CDK9: variants seen among roughly 807,000 people sequenced by gnomAD.
The protein encoded by CDK9 is cyclin dependent kinase 9.
A neutral mutation model predicts 39.0 loss-of-function variants in CDK9; 34 were observed. That is an observed-to-expected ratio of 0.87 (90% confidence interval 0.66 to 1.16). CDK9 has a LOEUF of 1.16. Ranked by LOEUF, CDK9 falls within the 50% of genes most tolerant of loss-of-function variation. CDK9 has a pLI of 0.00. For missense variants in CDK9, 369 were observed against 503.2 expected, an observed-to-expected ratio of 0.73 and a Z score of 2.55; for synonymous variants, 233 against 196.2, an observed-to-expected ratio of 1.19 and a Z score of -1.57.
intron 5 of CDK9, 40 bp downstream of exon 5, chr9:127,788,425 G>A (rs1554803504): frequency 6.3e-7 from 1 of 1,586,522 alleles, no homozygotes; most frequent in Admixed American, 1.8e-5. Context: ...TGAGGGCCAG[G>A]CATCTACCTG....
At position 127,786,681 on chromosome 9, in the gene CDK9, G is replaced by T. The variant is rs1416884778; in HGVS notation, c.93-20G>T. The T allele has an allele frequency of 1.2e-6, 2 of 1,610,586 alleles. No homozygotes were observed. The highest frequency in any genetic ancestry group is 4.5e-5 in the East Asian group (2 of 44,832). On this transcript the variant is annotated intron_variant, in intron 1 of 6. Transcript: ENST00000373264. The stretch of plus-strand genomic sequence containing the variant: ...CGGAAATGGCCTGATGAGTTCTCGG[G>T]TCTCCCTTTCCGCCTGCAGGGAGGT...
Position 127,786,117 on chromosome 9 carries a change from C to T in CDK9, c.-32C>T, listed in dbSNP as rs1028459182. ...GGAGCAGGAGCGGCGGCAGCAGCGA[C>T]TGGGGGCGGCGGCGGCGCGTTGGAG... On this transcript the variant is annotated 5_prime_UTR_variant, in exon 1 of 7. Transcript: ENST00000373264. 24 of 1,545,732 alleles carry T rather than the reference C, an allele frequency of 1.6e-5. No homozygotes were observed. The highest frequency in any genetic ancestry group is 1.8e-5 in the Admixed American group (1 of 57,094).
At chr9:127,786,641 G>A in intron 1 of CDK9, 60 bp from the exon 2 acceptor site, 1 of 1,439,336 alleles carries the variant, frequency 6.9e-7, no homozygotes, top group Non-Finnish European at 9.7e-7. Context: ...TGTAGTGGGG[G>A]AGGGGCGGGC....
chr9:127,788,865 G>A (rs989081697), intron 6 of CDK9, among the ~76,000 whole-genome samples, 173 bp downstream of exon 6: 1 of 152,196 alleles, frequency 6.6e-6, no homozygotes, highest in South Asian at 2.1e-4. Context: ...CAGGCTGTGC[G>A]CCAGTCTCGG....
In CDK9 at chr9:127,788,663, A is replaced by C; in HGVS notation, c.724A>C (p.Ser242Arg). Residue 242 changes from serine to arginine, a missense_variant, in exon 6 of 7, where the codon AGT becomes CGT. Physicochemically the swap from Ser to Arg is moderately radical, Grantham distance 110 (BLOSUM62 -1). Transcript: ENST00000373264. ...GGAGCAGCACCAACTCGCCCTCATC[A>C]GTCAGCTCTGCGGCTCCATCACCCC... ...NTEQHQLALISQLCGSITPEV... is the reference protein window; with the variant it reads ...NTEQHQLALIRQLCGSITPEV... 6.2e-7 allele frequency: 1 copy of C among 1,610,796 alleles called. No homozygotes were observed. Among genetic ancestry groups the C allele is most frequent in the Non-Finnish European group, 8.5e-7 (1 of 1,178,534 alleles).
chr9:127,786,434 G>A (rs928441761), intron 1 of CDK9, among the ~76,000 whole-genome samples, 194 bp downstream of exon 1: 5 of 152,188 alleles, frequency 3.3e-5, no homozygotes, highest in African/African-American at 1.2e-4. Flanking sequence ...GCCCGTGGTG[G>A]GGGCGGGGAG....
chr9:127,788,446 C>T (rs1273157543), intron 5 of CDK9, 61 bp downstream of exon 5: 15 of 1,558,510 alleles, frequency 9.6e-6, no homozygotes, highest in Non-Finnish European at 1.1e-5. Context: ...GCCCCTTCCC[C>T]CCAACTGCCA....
Position 127,789,730 on chromosome 9 carries a change from G to C in CDK9, c.*187G>C. ...TGGCTGAGAGACCAGGAGGGCACTGGAGCTGTCTTGTCCTTGCTGGTTTTC... is the reference window on the plus strand; with the variant it reads ...TGGCTGAGAGACCAGGAGGGCACTGCAGCTGTCTTGTCCTTGCTGGTTTTC... On this transcript the variant is annotated 3_prime_UTR_variant, in exon 7 of 7. Coordinates refer to ENST00000373264, the MANE Select transcript of CDK9 (RefSeq NM_001261.4). The surrounding 1 kb of genome is among the most constrained non-coding windows in gnomAD (Gnocchi z 5.2). 2.7e-6 allele frequency: 2 copies of C among 746,482 alleles called. No homozygotes were observed. Among genetic ancestry groups the C allele is most frequent in the South Asian group, 3.8e-5 (2 of 52,874 alleles). The allele number at this position is 746,482 out of a possible 1,614,324, so 46.2% of individuals were successfully genotyped here. A position where few individuals can be genotyped will look rare whatever the true frequency, so the allele number is the denominator to read the frequency against.
At chr9:127,788,873 C>T (rs1416256217) in intron 6 of CDK9, among the ~76,000 whole-genome samples, 181 bp downstream of exon 6, 4 of 152,146 alleles carry the variant, frequency 2.6e-5, no homozygotes, top group African/African-American at 4.8e-5. Flanking sequence ...GCGCCAGTCT[C>T]GGTTCCATCA....
chr9:127,786,170 G>A lies in CDK9; in HGVS notation c.22G>A (p.Val8Met), dbSNP rs1829309358. Reference sequence around the variant, plus strand: ...GGCCATGGCAAAGCAGTACGACTCGGTGGAGTGCCCTTTTTGTGATGAAGT... The same window carrying A: ...GGCCATGGCAAAGCAGTACGACTCGATGGAGTGCCCTTTTTGTGATGAAGT... The part of the protein sequence containing the change: MAKQYDS[V>M]ECPFCDEVSK... The change falls in exon 1 of 7, where the codon GTG becomes ATG. Residue 8 changes from valine (V) to methionine (M), a missense_variant. Physicochemically the swap from Val to Met is conservative, Grantham distance 21. Coordinates refer to ENST00000373264, the MANE Select transcript of CDK9 (RefSeq NM_001261.4). 1 of 1,609,160 alleles carries A rather than the reference G, an allele frequency of 6.2e-7. No individual in the cohort carries two copies. Among genetic ancestry groups the A allele is most frequent in the Non-Finnish European group, 8.5e-7 (1 of 1,178,310 alleles).
chr9:127,786,930 T>C, intron 2 of CDK9, 148 bp downstream of exon 2: 1 of 649,890 alleles, frequency 1.5e-6, no homozygotes, highest in Non-Finnish European at 2.7e-6. Flanking sequence ...GCTTCCACCC[T>C]AAAACTAAAT....
rs1302788481 is a variant in CDK9, at chr9:127,789,384, G to T, written c.960G>T (p.Met320Ile). ...LNHDFFWSDP[M>I]PSDLKGMLST... is the part of the protein sequence containing the mutation. ...ACGACTTCTTCTGGTCCGACCCCATGCCCTCCGACCTCAAGGGCATGCTCT... is the reference window on the plus strand; with the variant it reads ...ACGACTTCTTCTGGTCCGACCCCATTCCCTCCGACCTCAAGGGCATGCTCT... The change falls in exon 7 of 7, where the codon ATG becomes ATT. Residue 320 changes from methionine (M) to isoleucine (I), a missense_variant. Transcript: ENST00000373264. This position sits in a 1 kb window ranked among gnomAD's most constrained non-coding sequence, Gnocchi z 5.2. 5 of 1,613,978 alleles carry T rather than the reference G, an allele frequency of 3.1e-6. No individual in the cohort carries two copies. Among genetic ancestry groups the T allele is most frequent in the Non-Finnish European group, 4.2e-6 (5 of 1,180,028 alleles).
Position 127,788,311 on chromosome 9 carries a change from C to G in CDK9, c.530C>G (p.Ala177Gly). 1 of 1,612,880 alleles carries G rather than the reference C, an allele frequency of 6.2e-7. No individual in the cohort carries two copies. The highest frequency in any genetic ancestry group is 2.2e-5 in the East Asian group (1 of 44,876). The change falls in exon 5 of 7, where the codon GCC (alanine) becomes GGC (glycine). Residue 177 changes from alanine to glycine, a missense_variant. Ala to Gly is a moderately conservative substitution (Grantham distance 60). Transcript: ENST00000373264. The part of the protein sequence containing the change: ...DFGLARAFSL[A>G]KNSQPNRYTN... ...GGGCTGGCCCGGGCCTTCAGCCTGG[C>G]CAAGAACAGCCAGCCCAACCGCTAC...
rs1470239999 is a variant in CDK9 at position 127,788,662 on chromosome 9, C to T, written c.723C>T (p.Ile241=). 1.9e-6 allele frequency: 3 copies of T among 1,610,896 alleles called. No homozygotes were observed. The highest frequency in any genetic ancestry group is 2.2e-5 in the East Asian group (1 of 44,834). ...CGGAGCAGCACCAACTCGCCCTCAT[C>T]AGTCAGCTCTGCGGCTCCATCACCC... The part of the protein sequence containing the change: ...GNTEQHQLAL[I]SQLCGSITPE... The change falls in exon 6 of 7, where the codon ATC becomes ATT. Residue 241 remains isoleucine (I), a synonymous_variant. Coordinates refer to ENST00000373264, the MANE Select transcript of CDK9 (RefSeq NM_001261.4).
chr9:127,789,642 A>G lies in CDK9; in HGVS notation c.*99A>G. The G allele has an allele frequency of 7.0e-7, 1 of 1,433,536 alleles. No individual in the cohort carries two copies. Among genetic ancestry groups the G allele is most frequent in the South Asian group, 1.4e-5 (1 of 73,774 alleles). 88.8% of individuals were successfully genotyped at this position (1,433,536 alleles called of 1,614,324 possible). ...ATTTGAGTTTATATCTCTCATGCAT[A>G]TTTTATTTAATCCCCACCCTGGGCT... On this transcript the variant is annotated 3_prime_UTR_variant, in exon 7 of 7. Transcript: ENST00000373264. This position sits in a 1 kb window ranked among gnomAD's most constrained non-coding sequence, Gnocchi z 5.2.
At chr9:127,786,262 C>T (rs1829312343) in intron 1 of CDK9, 22 bp downstream of exon 1, 2 of 1,594,586 alleles carry the variant, frequency 1.3e-6, no homozygotes, top group Non-Finnish European at 1.7e-6. Context: ...CCCCTCGGGG[C>T]CGGGAGCCCT....
At chr9:127,786,656 C>T (rs375099649) in intron 1 of CDK9, 45 bp from the exon 2 acceptor site, 64 of 1,544,196 alleles carry the variant, frequency 4.1e-5, no homozygotes, top group Admixed American at 3.4e-4. Context: ...GCGGGCCCTG[C>T]GGAAATGGCC....
Position 127,789,929 on chromosome 9 carries a change from T to A in CDK9, c.*386T>A. ...CAGGGCTCGCCTCAGGAATGGGCTG[T>A]TTTTGGCCTAACCCTCAGAAACACT... On this transcript the variant is annotated 3_prime_UTR_variant, in exon 7 of 7. Transcript: ENST00000373264. This position sits in a 1 kb window ranked among gnomAD's most constrained non-coding sequence, Gnocchi z 5.2. 5.1e-6 allele frequency: 1 copy of A among 195,310 alleles called. No individual in the cohort carries two copies. Among genetic ancestry groups the A allele is most frequent in the Non-Finnish European group, 1.1e-5 (1 of 95,080 alleles). The allele number at this position is 195,310 out of a possible 1,614,324, so 12.1% of individuals were successfully genotyped here. A position where few individuals can be genotyped will look rare whatever the true frequency, so the allele number is the denominator to read the frequency against.
intron 5 of CDK9, 74 bp downstream of exon 5, chr9:127,788,459 G>A: frequency 5.2e-6 from 8 of 1,543,150 alleles, no homozygotes; most frequent in Non-Finnish European, 7.0e-6. Context: ...AACTGCCAGG[G>A]CTTCTTGAGC....
Sources: allele counts gnomAD v4.1 joint callset (sites outside exome capture counted in the v4.1 genomes callset), GRCh38; gene constraint gnomAD v4.1.1; non-coding constraint Gnocchi (gnomAD v3.1); transcripts MANE v1.5; gene names NCBI Gene and HGNC (gene_info 2026-07-23, HGNC 2026-07-21).